Variants in RAB34 observed in about 807,000 individuals in gnomAD.
The protein encoded by RAB34 is ras-related protein Rab-34.
In RAB34, 33 loss-of-function variants were observed where a neutral mutation model predicts 39.0. The ratio of observed to expected loss-of-function variants is 0.85; its 90% CI spans 0.64 to 1.13. The LOEUF is 1.13. RAB34 is among the 50% of genes most tolerant of loss of function. RAB34 has a pLI of 0.00. For missense variants in RAB34, 289 were observed against 326.1 expected (o/e 0.89, Z 0.88); for synonymous variants, 135 against 125.1 (o/e 1.08, Z -0.53).
Position 28,717,713 on chromosome 17 carries a change from G to T in RAB34, c.-447C>A, listed in dbSNP as rs1008459076. 17 of 1,335,352 alleles carry T rather than the reference G, an allele frequency of 1.3e-5. 1 individual carries two copies. The highest frequency in any genetic ancestry group is 2.1e-4 in the Middle Eastern group (1 of 4,654). 82.7% of individuals were successfully genotyped at this position (1,335,352 alleles called of 1,614,324 possible). ...GGGCTGAGGCTGCCCTACCATTACA[G>T]AGCGGCCCGGGGGCGCGGAGCGGCC... On this transcript the variant is annotated 5_prime_UTR_variant, in exon 1 of 10. The change creates a new upstream start codon in the 5' untranslated region. Transcript: ENST00000395245.
At position 28,715,121 on chromosome 17, in the gene RAB34, G is replaced by T. The variant is rs201771822; in HGVS notation, c.515C>A (p.Thr172Asn). 1 of 1,614,122 alleles carries T rather than the reference G, an allele frequency of 6.2e-7. No individual in the cohort carries two copies. The highest frequency in any genetic ancestry group is 1.7e-5 in the Admixed American group (1 of 60,026). The change falls in exon 8 of 10, where the codon ACC (threonine) becomes AAC (asparagine). Residue 172 changes from threonine to asparagine, a missense_variant and splice_region_variant. By Grantham distance (65) the Thr-to-Asn change is moderately conservative (BLOSUM62 0). Transcript: ENST00000395245. The part of the protein sequence containing the change: ...FLVGSKKDLS[T>N]PAQYALMEKD... ...CTCCATCAGCGCATACTGAGCAGGG[G>T]TCTGAGGGAAGGCCAGAGTCAGAGG...
Position 28,715,283 on chromosome 17 carries a change from T to C in RAB34, c.432-7A>G. On this transcript the variant is annotated splice_region_variant and splice_polypyrimidine_tract_variant and intron_variant, in intron 6 of 9. Transcript: ENST00000395245. The stretch of plus-strand genomic sequence containing the variant: ...GGCATCGGCCAGCCACTGCCTGCCA[T>C]GGGAGGTGGAAAGTAAGGGATGAGT... 1.9e-6 allele frequency: 3 copies of C among 1,612,188 alleles called. No individual in the cohort carries two copies. Among genetic ancestry groups the C allele is most frequent in the East Asian group, 2.2e-5 (1 of 44,842 alleles).
intron 2 of RAB34, 195 bp from the exon 3 acceptor site, chr17:28,716,253 A>G: frequency 1.5e-6 from 1 of 654,396 alleles, no homozygotes; most frequent in Non-Finnish European, 2.6e-6. Context: ...GCAGAGAGAC[A>G]TGAATTTGAA....
At chr17:28,718,168 G>C, upstream of RAB34, 1 of 1,609,488 alleles carries the variant, frequency 6.2e-7, no homozygotes, top group Non-Finnish European at 8.5e-7. Context: ...CGCAGCATCT[G>C]GCGATGCCAG....
intron 2 of RAB34, chr17:28,716,437 C>T: frequency 3.5e-6 from 1 of 285,012 alleles, no homozygotes; most frequent in Admixed American, 4.8e-5. Context: ...ATTTTAATGT[C>T]TGAAATCAGG....
chr17:28,718,182 C>T, upstream of RAB34: 2 of 1,607,682 alleles, frequency 1.2e-6, no homozygotes, highest in Non-Finnish European at 1.7e-6. Flanking sequence ...ATGCCAGGAA[C>T]CAGCAGGGAG....
At position 28,715,441 on chromosome 17, in the gene RAB34, A is replaced by G. The variant is rs1431119195; in HGVS notation, c.431+15T>C. The G allele has an allele frequency of 6.2e-7, 1 of 1,613,582 alleles. No homozygotes were observed. Among genetic ancestry groups the G allele is most frequent in the East Asian group, 2.2e-5 (1 of 44,888 alleles). On this transcript the variant is annotated intron_variant, in intron 6 of 9. Transcript: ENST00000395245. ...TTCCCGGAGCCTCCCATTATATTGC[A>G]GGATGCTCACTTACTTGGTATGTTC...
chr17:28,716,968 G>A lies in RAB34; in HGVS notation c.81C>T (p.His27=), dbSNP rs1457476368. 3 of 1,613,452 alleles carry A rather than the reference G, an allele frequency of 1.9e-6. No homozygotes were observed. Among genetic ancestry groups the A allele is most frequent in the African/African-American group, 2.7e-5 (2 of 74,894 alleles). Residue 27 remains histidine, a synonymous_variant, in exon 2 of 10, where the codon CAC becomes CAT. Transcript: ENST00000395245. ...PQCLRKEAAL[H]GHKDFHPRVT... is the part of the protein sequence containing the mutation. ...CGCGGGGGTGGAAGTCTTTGTGCCC[G>A]TGCAAAGCGGCCTCCTTCCTCAGGC...
rs1464989403 is a variant in RAB34, at chr17:28,716,294, C to T, written c.147-236G>A. On this transcript the variant is annotated intron_variant, in intron 2 of 9. Coordinates refer to ENST00000395245, the MANE Select transcript of RAB34 (RefSeq NM_031934.6). ...GCTCTCACACTGATTAGCTGTGTGA[C>T]TTTGGACACGTTATTTAGCCTCTCT... The T allele has an allele frequency of 7.2e-6, 4 of 559,046 alleles. No individual in the cohort carries two copies. The East Asian group carries it at 1.2e-4, about 16-fold the overall frequency. 34.6% of individuals were successfully genotyped at this position (559,046 alleles called of 1,614,324 possible). A position where few individuals can be genotyped will look rare whatever the true frequency, so the allele number is the denominator to read the frequency against.
intron 2 of RAB34, chr17:28,716,628 T>C (rs2033491739): frequency 2.7e-6 from 1 of 367,980 alleles, no homozygotes; most frequent in Non-Finnish European, 4.9e-6. Flanking sequence ...ATGGATGCTA[T>C]GTGGGGATCT....
In RAB34 at chr17:28,717,579, G is replaced by A. The variant is rs923884271; in HGVS notation, c.-313C>T. Reference sequence around the variant, plus strand: ...CGGGGAGTCCCGTCTGGTGGGGGCCGGGCCCGCGCAGACCCTACGATTACG... The same window carrying A: ...CGGGGAGTCCCGTCTGGTGGGGGCCAGGCCCGCGCAGACCCTACGATTACG... On this transcript the variant is annotated 5_prime_UTR_variant, in exon 1 of 10. Transcript: ENST00000395245. 2.1e-6 allele frequency: 3 copies of A among 1,418,538 alleles called. No homozygotes were observed. The highest frequency in any genetic ancestry group is 2.7e-5 in the East Asian group (1 of 37,416). 87.9% of individuals were successfully genotyped at this position (1,418,538 alleles called of 1,614,324 possible). A position where few individuals can be genotyped will look rare whatever the true frequency, so the allele number is the denominator to read the frequency against.
rs199826376 is a variant in RAB34 at position 28,717,301 on chromosome 17, C to T, written c.-35G>A. On this transcript the variant is annotated 5_prime_UTR_variant, in exon 1 of 10. Transcript: ENST00000395245. ...GGCCTTGCAGGGCGCCCTGAGAAGG[C>T]GCCGAGGCCGGATCCGCGTCAGCGA... The T allele has an allele frequency of 1.2e-5, 19 of 1,566,344 alleles. No homozygotes were observed. In the East Asian group the frequency reaches 3.8e-4, roughly 31 times the overall value.
chr17:28,717,939 G>GGCCC, upstream of RAB34: 4 of 1,206,610 alleles, frequency 3.3e-6, no homozygotes, highest in Non-Finnish European at 4.2e-6. Flanking sequence ...AGGCCTCGCT[G>GGCCC]CCCGCCCTCG....
At position 28,714,293 on chromosome 17, in the gene RAB34, CAAAG is replaced by C. The variant is rs943768754; in HGVS notation, c.*346_*349del. Reference sequence around the variant, plus strand: ...AACTCCAGCCCCAAAGTGCTCGTAACAAAGAAATTTTAATGCATAAGGCACAGTG... The same window carrying C: ...AACTCCAGCCCCAAAGTGCTCGTAACAAATTTTAATGCATAAGGCACAGTG... On this transcript the variant is annotated 3_prime_UTR_variant, in exon 10 of 10. Transcript: ENST00000395245. The C allele has an allele frequency of 1.1e-4, 60 of 537,186 alleles. No individual in the cohort carries two copies. Among genetic ancestry groups the C allele is most frequent in the Admixed American group, 6.0e-4 (19 of 31,918 alleles). 33.3% of individuals were successfully genotyped at this position (537,186 alleles called of 1,614,324 possible). A position where few individuals can be genotyped will look rare whatever the true frequency, so the allele number is the denominator to read the frequency against.
rs142412914 is a variant in RAB34, at chr17:28,716,019, C to T, written c.186G>A (p.Ser62=). The T allele has an allele frequency of 9.3e-6, 15 of 1,613,898 alleles. No homozygotes were observed. Among genetic ancestry groups the T allele is most frequent in the Middle Eastern group, 1.6e-4 (1 of 6,080 alleles). Residue 62 remains serine, a synonymous_variant, in exon 3 of 10, where the codon TCG becomes TCA. Coordinates refer to ENST00000395245, the MANE Select transcript of RAB34 (RefSeq NM_031934.6). ...ISKVIVVGDL[S]VGKTCLINRF... ...TATTAATGAGGCAAGTCTTCCCCAC[C>T]GACAGGTCCCCCACCACAATGACCT...
rs756228711 is a variant in RAB34 at position 28,715,638 on chromosome 17, T to C, written c.379+3A>G. The C allele has an allele frequency of 1.2e-6, 2 of 1,614,138 alleles. No homozygotes were observed. The highest frequency in any genetic ancestry group is 3.3e-5 in the Admixed American group (2 of 60,018). ...ACCTACCCCACTTCACCCAGCCCCT[T>C]ACCTTGAGCTCCTCTATAGTAGGTT... On this transcript the variant is annotated splice_donor_region_variant and intron_variant, in intron 5 of 9. Transcript: ENST00000395245.
At position 28,717,612 on chromosome 17, in the gene RAB34, G is replaced by C; in HGVS notation, c.-346C>G. 7.2e-7 allele frequency: 1 copy of C among 1,397,178 alleles called. No individual in the cohort carries two copies. Among genetic ancestry groups the C allele is most frequent in the South Asian group, 1.6e-5 (1 of 63,066 alleles). 86.5% of individuals were successfully genotyped at this position (1,397,178 alleles called of 1,614,324 possible). A position where few individuals can be genotyped will look rare whatever the true frequency, so the allele number is the denominator to read the frequency against. ...GCAGACCCTACGATTACGCGGGGCC[G>C]GATAGTTCCTACGATTACGCGGGGC... is the stretch of plus-strand genomic sequence containing the variant. On this transcript the variant is annotated 5_prime_UTR_variant, in exon 1 of 10. Coordinates refer to ENST00000395245, the MANE Select transcript of RAB34 (RefSeq NM_031934.6).
In RAB34 at chr17:28,716,925, C is replaced by T. The variant is rs1328921718; in HGVS notation, c.124G>A (p.Glu42Lys). The T allele has an allele frequency of 6.2e-7, 1 of 1,613,366 alleles. No homozygotes were observed. ...CACCCCACGGTGCCTGTCCGGTGCT[C>T]CTGGCAGGCGCAGGTGACGCGGGGG... is the stretch of plus-strand genomic sequence containing the variant. ...FHPRVTCACQ[E>K]HRTGTVGFKI... is the part of the protein sequence containing the mutation. The change falls in exon 2 of 10, where the codon GAG (glutamate) becomes AAG (lysine). Residue 42 changes from glutamate to lysine, a missense_variant. Coordinates refer to ENST00000395245, the MANE Select transcript of RAB34 (RefSeq NM_031934.6).
chr17:28,716,010 C>T lies in RAB34; in HGVS notation c.195G>A (p.Lys65=), dbSNP rs2033362919. 6.2e-7 allele frequency: 1 copy of T among 1,614,032 alleles called. No individual in the cohort carries two copies. ...VIVVGDLSVG[K]TCLINRFCKD... is the part of the protein sequence containing the mutation. Reference sequence around the variant, plus strand: ...CCCCTTACCTATTAATGAGGCAAGTCTTCCCCACCGACAGGTCCCCCACCA... The same window carrying T: ...CCCCTTACCTATTAATGAGGCAAGTTTTCCCCACCGACAGGTCCCCCACCA... Residue 65 remains lysine, a synonymous_variant, in exon 3 of 10, where the codon AAG becomes AAA. Coordinates refer to ENST00000395245, the MANE Select transcript of RAB34 (RefSeq NM_031934.6).
Sources: gnomAD v4.1 joint callset for allele counts on GRCh38, gnomAD v4.1.1 for gene constraint, MANE v1.5 for transcripts, NCBI Gene and HGNC (gene_info 2026-07-23, HGNC 2026-07-21) for gene names.